Variants in SMYD5 observed in about 807,000 individuals in gnomAD.
The protein encoded by SMYD5 is protein-lysine N-trimethyltransferase SMYD5.
SMYD5 carries 35 observed loss-of-function variants against 57.4 expected under a neutral mutation model. That is an observed-to-expected ratio of 0.61 (90% confidence interval 0.47 to 0.81). SMYD5 has a LOEUF of 0.81. SMYD5 is among the 30% of genes least tolerant of loss of function. The pLI is 0.00. For missense variants in SMYD5, 471 were observed against 527.9 expected (o/e 0.89, Z 1.06); for synonymous variants, 198 against 189.7 (o/e 1.04, Z -0.36).
intron 11 of SMYD5, 122 bp downstream of exon 11, chr2:73,225,082 A>G: frequency 7.2e-6 from 5 of 692,648 alleles, no homozygotes; most frequent in South Asian, 5.4e-5. Context: ...GAATCCCCAC[A>G]TACCTTAGGG....
intron 11 of SMYD5, 152 bp from the exon 12 acceptor site, chr2:73,225,479 C>A (rs1461425802): frequency 5.6e-6 from 4 of 717,992 alleles, no homozygotes; most frequent in Non-Finnish European, 9.9e-6. Context: ...GCACTGGGAA[C>A]TGGATGAGGG....
intron 10 of SMYD5, among the ~76,000 whole-genome samples, chr2:73,224,655 G>A (rs1000662523): frequency 6.6e-6 from 1 of 152,190 alleles, no homozygotes; most frequent in Non-Finnish European, 1.5e-5. Context: ...CAGTCACAGC[G>A]AGTTGGAGTG....
chr2:73,214,507 A>T (rs1211630698), intron 1 of SMYD5, 145 bp downstream of exon 1: 1 of 1,490,760 alleles, frequency 6.7e-7, no homozygotes, highest in African/African-American at 1.4e-5. Flanking sequence ...GGGGGCTCCC[A>T]GTCTGTCCCT....
At chr2:73,220,635 G>A (rs964334982) in intron 3 of SMYD5, 26 bp from the exon 4 acceptor site, 2 of 1,613,712 alleles carry the variant, frequency 1.2e-6, no homozygotes, top group African/African-American at 1.3e-5. Context: ...AGATCCTTGG[G>A]TACTGACCTC....
chr2:73,222,556 G>T (rs1300168502), intron 6 of SMYD5, among the ~76,000 whole-genome samples, 199 bp from the exon 7 acceptor site: 1 of 152,202 alleles, frequency 6.6e-6, no homozygotes, highest in African/African-American at 2.4e-5. Flanking sequence ...ATTTGGGTTT[G>T]CCACCCCGGG....
Position 73,226,402 on chromosome 2 carries a change from C to T in SMYD5, c.*456C>T, listed in dbSNP as rs1335837798. 6.3e-6 allele frequency: 1 copy of T among 157,576 alleles called. No individual in the cohort carries two copies. The highest frequency in any genetic ancestry group is 1.4e-5 in the Non-Finnish European group (1 of 71,026). 9.8% of individuals were successfully genotyped at this position (157,576 alleles called of 1,614,324 possible). On this transcript the variant is annotated 3_prime_UTR_variant, in exon 13 of 13. Transcript: ENST00000389501. ...GGAGGTGGTGAGGCGTCCTCACCTC[C>T]CCCCACCACAGCTGTGGCTGGTAAG...
chr2:73,224,717 C>G (rs1686465137), intron 10 of SMYD5, 149 bp from the exon 11 acceptor site: 3 of 596,520 alleles, frequency 5.0e-6, no homozygotes, highest in Admixed American at 5.8e-5. Context: ...CAGGAAAGAA[C>G]ACTGGATGCA....
In SMYD5 at chr2:73,221,885, T is replaced by A; in HGVS notation, c.597T>A (p.Asn199Lys). ...LFSQFCNKTANEEEEIVHKLL... is the reference protein window; with the variant it reads ...LFSQFCNKTAKEEEEIVHKLL... The stretch of plus-strand genomic sequence containing the variant: ...CCCAGTTTTGTAACAAAACAGCCAA[T>A]GAAGAGGAGGAAATTGTCCATAAAC... Residue 199 changes from asparagine (N) to lysine (K), a missense_variant, in exon 6 of 13, where the codon AAT (asparagine) becomes AAA (lysine). Coordinates refer to ENST00000389501, the MANE Select transcript of SMYD5 (RefSeq NM_006062.3). 6.2e-7 allele frequency: 1 copy of A among 1,613,936 alleles called. No homozygotes were observed. The highest frequency in any genetic ancestry group is 8.5e-7 in the Non-Finnish European group (1 of 1,179,790).
chr2:73,225,364 G>C (rs1024540893), intron 11 of SMYD5: 5 of 562,174 alleles, frequency 8.9e-6, no homozygotes, highest in Non-Finnish European at 1.6e-5. Flanking sequence ...GATCCCAGCT[G>C]CAGACCTTGG....
Position 73,223,123 on chromosome 2 carries a change from G to A in SMYD5, c.776+17G>A. On this transcript the variant is annotated intron_variant, in intron 8 of 12. Transcript: ENST00000389501. ...CGGGACCAGGTTAGAATGTTCCAGA[G>A]CTATTGAAGTTACTCTCAGGGGTGG... The A allele has an allele frequency of 6.2e-7, 1 of 1,609,022 alleles. No individual in the cohort carries two copies. The highest frequency in any genetic ancestry group is 8.5e-7 in the Non-Finnish European group (1 of 1,175,242).
At position 73,223,031 on chromosome 2, in the gene SMYD5, C is replaced by G. The variant is rs201198262; in HGVS notation, c.706-5C>G. ...TGAGCACTCATCTCTTTTTTCCCCCCACAGTGGTTCACTCCAGATGGATTC... is the reference window on the plus strand; with the variant it reads ...TGAGCACTCATCTCTTTTTTCCCCCGACAGTGGTTCACTCCAGATGGATTC... On this transcript the variant is annotated splice_region_variant and splice_polypyrimidine_tract_variant and intron_variant, in intron 7 of 12. Coordinates refer to ENST00000389501, the MANE Select transcript of SMYD5 (RefSeq NM_006062.3). 1.1e-5 allele frequency: 18 copies of G among 1,613,332 alleles called. No individual in the cohort carries two copies. The highest frequency in any genetic ancestry group is 4.0e-5 in the African/African-American group (3 of 74,906).
chr2:73,220,917 C>A, intron 4 of SMYD5, 135 bp downstream of exon 4: 2 of 1,036,274 alleles, frequency 1.9e-6, no homozygotes, highest in Non-Finnish European at 1.4e-6. Flanking sequence ...AAACAGAAGT[C>A]ACATAACCCT....
At position 73,225,820 on chromosome 2, in the gene SMYD5, C is replaced by G. The variant is rs775212658; in HGVS notation, c.1131C>G (p.Ser377=). The G allele has an allele frequency of 1.9e-6, 3 of 1,614,208 alleles. No individual in the cohort carries two copies. Among genetic ancestry groups the G allele is most frequent in the East Asian group, 2.2e-5 (1 of 44,888 alleles). The change falls in exon 13 of 13, where the codon TCC becomes TCG. Residue 377 remains serine (S), a synonymous_variant. Transcript: ENST00000389501. ...GGGAGAACTATCTATTTGTCTGTTC[C>G]TGTCCCAAATGCCTGGCAGAGGCTG... ...ILRENYLFVC[S]CPKCLAEADE...
At position 73,225,911 on chromosome 2, in the gene SMYD5, G is replaced by A; in HGVS notation, c.1222G>A (p.Asp408Asn). 1 of 1,614,174 alleles carries A rather than the reference G, an allele frequency of 6.2e-7. No homozygotes were observed. Residue 408 changes from aspartate to asparagine, a missense_variant, in exon 13 of 13, where the codon GAT (aspartate) becomes AAT (asparagine). Asp to Asn is a conservative substitution (Grantham distance 23). Transcript: ENST00000389501. ...GGAGGAGGAGGAAGGAGAGCCAGAA[G>A]ATGCAGAGCTGGGGGATGAGATGAC... ...EEEEEEGEPEDAELGDEMTDV is the reference protein window; with the variant it reads ...EEEEEEGEPENAELGDEMTDV
At chr2:73,215,578 A>T (rs1436422271) in intron 1 of SMYD5, among the ~76,000 whole-genome samples, 1 of 152,046 alleles carries the variant, frequency 6.6e-6, no homozygotes. Context: ...CCACAGTTTG[A>T]AGGCCTCTCA....
chr2:73,223,528 G>A lies in SMYD5; in HGVS notation c.879G>A (p.Glu293=), dbSNP rs1332493191. 2.5e-6 allele frequency: 4 copies of A among 1,612,094 alleles called. No individual in the cohort carries two copies. In the African/African-American group the frequency reaches 4.0e-5, roughly 16 times the overall value. ...TTGACCAGCTATACAAGGACATCGA[G>A]GCAGGTTGGTGAGATAGGGCCTTGG... is the stretch of plus-strand genomic sequence containing the variant. ...AFIDQLYKDI[E]AATGEFLNCE... The change falls in exon 9 of 13, where the codon GAG becomes GAA. Residue 293 remains glutamate, a synonymous_variant. Transcript: ENST00000389501.
chr2:73,223,830 G>T, intron 9 of SMYD5, 117 bp from the exon 10 acceptor site: 2 of 929,768 alleles, frequency 2.2e-6, no homozygotes, highest in East Asian at 4.8e-5. Context: ...AGGGACTGAT[G>T]CCTTAGTGTG....
rs765423030 is a variant in SMYD5, at chr2:73,224,034, C to T, written c.940+31C>T. ...TCATGGCGTTGAGGAGGGATGGTCC[C>T]AGGCGCTTCTGCCTTTGCCAGGTGG... On this transcript the variant is annotated intron_variant, in intron 10 of 12. Transcript: ENST00000389501. 5 of 1,608,504 alleles carry T rather than the reference C, an allele frequency of 3.1e-6. No individual in the cohort carries two copies. In the South Asian group the frequency reaches 5.5e-5, roughly 18 times the overall value.
chr2:73,214,825 A>G, intron 1 of SMYD5: 1 of 1,306,074 alleles, frequency 7.7e-7, no homozygotes, highest in Non-Finnish European at 1.0e-6. Flanking sequence ...CCAGAGTCCA[A>G]AGGCCGTGGG....
Sources: allele counts gnomAD v4.1 joint callset (sites outside exome capture counted in the v4.1 genomes callset), GRCh38; gene constraint gnomAD v4.1.1; transcripts MANE v1.5; gene names NCBI Gene and HGNC (gene_info 2026-07-23, HGNC 2026-07-21).